The following ANK3 variants were observed in gnomAD, a reference collection of about 807,000 sequenced individuals.
ANK3 encodes the protein ankyrin-3.
In ANK3, 57 loss-of-function variants were observed where a neutral mutation model predicts 370.9. That is an observed-to-expected ratio of 0.15 (90% CI 0.12 to 0.19). The LOEUF (loss-of-function observed/expected upper bound fraction) is 0.19. Among genes scored for constraint, ANK3 ranks in the 10% least tolerant of loss-of-function variants. The pLI is 1.00. For synonymous variants in ANK3, 1,929 were observed against 1,946.3 expected, an observed-to-expected ratio of 0.99 and a Z score of 0.23; for missense variants, 4,439 against 5,302.1, an observed-to-expected ratio of 0.84 and a Z score of 5.06.
rs1057161287 is a variant in ANK3, at chr10:60,176,746, C to T, written c.2185-3560G>A. ...TGCACTCCAGCCTGAGTGACAAGAG[C>T]GAAACTTCGTCTCAAAAAATAAATA... On this transcript the variant is annotated intron_variant, in intron 18 of 43. Coordinates refer to ENST00000280772, the MANE Select transcript of ANK3 (RefSeq NM_020987.5). 2.6e-5 allele frequency among the ~76,000 whole-genome samples: 4 copies of T among 151,756 alleles called. No individual in the cohort carries two copies. In the South Asian group the frequency reaches 6.2e-4, roughly 24 times the overall value.
At chr10:60,158,842 AT>A (rs1415447085) in intron 23 of ANK3, among the ~76,000 whole-genome samples, 4 of 151,946 alleles carry the variant, frequency 2.6e-5, no homozygotes, top group East Asian at 1.9e-4. Context: ...TGCCCAGCTA[AT>A]TTTTGTATTT....
chr10:60,392,883 C>T (rs1373843217), upstream of ANK3, among the ~76,000 whole-genome samples: 4 of 151,832 alleles, frequency 2.6e-5, no homozygotes, highest in African/African-American at 9.7e-5. Flanking sequence ...GAGCTGAGAT[C>T]ACACCACTGC....
chr10:60,570,410 A>G (rs2077564171), intron 2 of ANK3, among the ~76,000 whole-genome samples: 1 of 152,194 alleles, frequency 6.6e-6, no homozygotes. Flanking sequence ...AGGGCAAGAT[A>G]TGGGTTTGAC....
At chr10:60,313,893 C>T (rs547417213) in intron 1 of ANK3, among the ~76,000 whole-genome samples, 2 of 151,928 alleles carry the variant, frequency 1.3e-5, no homozygotes, top group Admixed American at 6.6e-5. Flanking sequence ...GCCTGCATCA[C>T]CCATTACCCT....
intron 2 of ANK3, among the ~76,000 whole-genome samples, chr10:60,554,935 G>A (rs868501797): frequency 1.3e-5 from 2 of 152,148 alleles, no homozygotes; most frequent in Non-Finnish European, 1.5e-5. Context: ...GAAATAAAAA[G>A]ATGAAATAGC....
At chr10:60,156,715 C>G (rs1338299401) in intron 23 of ANK3, among the ~76,000 whole-genome samples, 1 of 152,264 alleles carries the variant, frequency 6.6e-6, no homozygotes, top group East Asian at 1.9e-4. Context: ...TGCAGCATTC[C>G]GGGGCTTAGG....
At chr10:60,160,508 A>G (rs2095471026) in intron 23 of ANK3, among the ~76,000 whole-genome samples, 1 of 152,120 alleles carries the variant, frequency 6.6e-6, no homozygotes, top group Non-Finnish European at 1.5e-5. Context: ...TCCTACTTAT[A>G]TTATTCCAAA....
At chr10:60,433,409 G>A (rs974007990) in intron 2 of ANK3, among the ~76,000 whole-genome samples, 16 of 152,114 alleles carry the variant, frequency 1.1e-4, no homozygotes, top group African/African-American at 3.4e-4. Context: ...GGCCAACGTG[G>A]TGAAACCCCG....
rs59141790 is a variant in ANK3, at chr10:60,655,205, T to TA, written c.58-39982dup. 4.8e-3 allele frequency among the ~76,000 whole-genome samples: 696 copies of TA among 143,766 alleles called. 6 individuals carry two copies. Among genetic ancestry groups the TA allele is most frequent in the African/African-American group, 0.016 (614 of 39,474 alleles). 94.3% of individuals were successfully genotyped at this position (143,766 alleles called of 152,430 possible). ...ATTTTAGAGCATACTCCTATTTATT[T>TA]AAAAAAAAAAAAGAAAAAAAGGTTA... On this transcript the variant is annotated intron_variant, in intron 1 of 43. Coordinates refer to the ANK3 transcript ENST00000373827.
At chr10:60,599,868 T>G (rs1183923406) in intron 2 of ANK3, among the ~76,000 whole-genome samples, 1 of 152,200 alleles carries the variant, frequency 6.6e-6, no homozygotes. Context: ...TAACCCTTTC[T>G]CTACTTCTCT....
At chr10:60,644,125 G>T (rs958841653) in intron 1 of ANK3, among the ~76,000 whole-genome samples, 1 of 152,162 alleles carries the variant, frequency 6.6e-6, no homozygotes, top group African/African-American at 2.4e-5. Flanking sequence ...ATGAATGTCT[G>T]TTTTGCTTAT....
chr10:60,373,830 C>T (rs1037871977), intron 1 of ANK3, among the ~76,000 whole-genome samples: 4 of 152,062 alleles, frequency 2.6e-5, no homozygotes, highest in Admixed American at 2.6e-4. Context: ...CCTGGGAAAC[C>T]TTTCAGTCCT....
chr10:60,719,433 C>G (rs919328490), intron 1 of ANK3, among the ~76,000 whole-genome samples: 5 of 152,050 alleles, frequency 3.3e-5, no homozygotes, highest in Non-Finnish European at 5.9e-5. Context: ...TTTGCCTAAG[C>G]TTTCCACCAA....
intron 2 of ANK3, among the ~76,000 whole-genome samples, chr10:60,543,038 C>T (rs1052202172): frequency 1.4e-4 from 21 of 151,846 alleles, no homozygotes; most frequent in African/African-American, 5.1e-4. Flanking sequence ...TTTAAATAGT[C>T]CTTAAGGGAT....
chr10:60,520,444 T>A (rs2076322864), intron 2 of ANK3, among the ~76,000 whole-genome samples: 2 of 152,026 alleles, frequency 1.3e-5, no homozygotes, highest in African/African-American at 4.8e-5. Flanking sequence ...TTTAAAAAAA[T>A]AATAAATTTT....
intron 1 of ANK3, among the ~76,000 whole-genome samples, chr10:60,660,254 C>T (rs1412888503): frequency 1.3e-5 from 2 of 152,124 alleles, no homozygotes; most frequent in South Asian, 4.1e-4. Context: ...CTTGAATATA[C>T]ATACCTCTGC....
At chr10:60,174,101 G>A (rs918725949) in intron 18 of ANK3, among the ~76,000 whole-genome samples, 3 of 151,956 alleles carry the variant, frequency 2.0e-5, no homozygotes, top group Non-Finnish European at 4.4e-5. Flanking sequence ...TATTTTCAAG[G>A]GTCTGTATCT....
At chr10:60,345,367 C>T (rs891272327) in intron 1 of ANK3, among the ~76,000 whole-genome samples, 1 of 152,072 alleles carries the variant, frequency 6.6e-6, no homozygotes, top group Admixed American at 6.5e-5. Flanking sequence ...TCTAAATTAT[C>T]TTATCAGTCA....
intron 43 of ANK3, among the ~76,000 whole-genome samples, chr10:60,034,397 T>C (rs946237814): frequency 6.6e-6 from 1 of 152,200 alleles, no homozygotes; most frequent in Non-Finnish European, 1.5e-5. Flanking sequence ...CGTGTCACCA[T>C]GCCCAGCCTG....
Sources: allele counts gnomAD v4.1 joint callset (sites outside exome capture counted in the v4.1 genomes callset), GRCh38; gene constraint gnomAD v4.1.1; transcripts MANE v1.5; gene names NCBI Gene and HGNC (gene_info 2026-07-23, HGNC 2026-07-21).